CNTNAP2: variants seen among roughly 807,000 people sequenced by gnomAD.
CNTNAP2 encodes contactin-associated protein-like 2.
Under a neutral mutation model 155.2 loss-of-function variants are expected in CNTNAP2, and 98 were observed. The ratio of observed to expected loss-of-function variants is 0.63; its 90% CI spans 0.54 to 0.75. CNTNAP2 has a LOEUF of 0.75. Ranked by LOEUF, CNTNAP2 falls within the 30% of genes least tolerant of loss-of-function variation. CNTNAP2 has a pLI of 0.00. For missense variants in CNTNAP2, 1,727 were observed against 1,688.1 expected (o/e 1.02, Z -0.40); for synonymous variants, 651 against 631.2 (o/e 1.03, Z -0.47).
At chr7:146,721,179 ATATATATATTCTC>A (rs1309714982) in intron 1 of CNTNAP2, among the ~76,000 whole-genome samples, 3 of 131,960 alleles carry the variant, frequency 2.3e-5, no homozygotes, top group African/African-American at 8.4e-5. Flanking sequence ...TATATATTCC[ATATATATATTCTC>A]TATATATATT....
At chr7:146,877,794 C>T (rs1476396517) in intron 3 of CNTNAP2, among the ~76,000 whole-genome samples, 1 of 151,876 alleles carries the variant, frequency 6.6e-6, no homozygotes, top group East Asian at 1.9e-4. Context: ...ATGTCACCTT[C>T]CATGATAGTT....
rs1798740058 is a variant in CNTNAP2, at chr7:148,365,799, C to CATGTATACATGT, written c.3476-17846_3476-17845insATACATGTATGT. Among the ~76,000 whole-genome samples, 2 of 37,570 alleles carry CATGTATACATGT rather than the reference C, an allele frequency of 5.3e-5. 1 individual carries two copies. The highest frequency in any genetic ancestry group is 1.1e-4 in the Non-Finnish European group (2 of 18,260). 24.6% of individuals were successfully genotyped at this position (37,570 alleles called of 152,430 possible). A position where few individuals can be genotyped will look rare whatever the true frequency, so the allele number is the denominator to read the frequency against. On this transcript the variant is annotated intron_variant, in intron 21 of 23. Coordinates refer to ENST00000361727, the MANE Select transcript of CNTNAP2 (RefSeq NM_014141.6). ...ATGTATGTGTATGCATGTATACATGCATGTGTATGCATGTATACATGCATG... is the reference window on the plus strand; with the variant it reads ...ATGTATGTGTATGCATGTATACATGCATGTATACATGTATGTGTATGCATGTATACATGCATG...
intron 20 of CNTNAP2, among the ~76,000 whole-genome samples, chr7:148,247,906 A>C (rs1305657486): frequency 2.0e-5 from 3 of 151,862 alleles, no homozygotes; most frequent in Non-Finnish European, 4.4e-5. Flanking sequence ...TGCCCACCTC[A>C]GCCTCCCAAA....
At chr7:146,855,948 T>C (rs1372058612) in intron 3 of CNTNAP2, among the ~76,000 whole-genome samples, 2 of 150,582 alleles carry the variant, frequency 1.3e-5, no homozygotes, top group Admixed American at 1.3e-4. Context: ...AAGATAGACT[T>C]TAATTATTAA....
chr7:148,040,808 A>T (rs941659316), intron 15 of CNTNAP2, among the ~76,000 whole-genome samples: 1 of 151,964 alleles, frequency 6.6e-6, no homozygotes, highest in African/African-American at 2.4e-5. Context: ...CAGAAATGGG[A>T]ACAACTCTAG....
rs569235483 is a variant in CNTNAP2 at position 146,660,566 on chromosome 7, C to T, written c.98-113705C>T. Among the ~76,000 whole-genome samples, 175 of 152,216 alleles carry T rather than the reference C, an allele frequency of 1.1e-3. 1 individual carries two copies. Among genetic ancestry groups the T allele is most frequent in the African/African-American group, 4.1e-3 (169 of 41,538 alleles). On this transcript the variant is annotated intron_variant, in intron 1 of 23. Coordinates refer to ENST00000361727, the MANE Select transcript of CNTNAP2 (RefSeq NM_014141.6). The stretch of plus-strand genomic sequence containing the variant: ...TCAATAAATAGCAGATGTTTTAATT[C>T]CAATGTGCCTACTTCACACTGTTGT...
chr7:148,202,591 G>A (rs1184857061), intron 18 of CNTNAP2, among the ~76,000 whole-genome samples: 1 of 152,156 alleles, frequency 6.6e-6, no homozygotes, highest in East Asian at 1.9e-4. Context: ...GGGTGTGCTT[G>A]AAGCATCTAC....
intron 1 of CNTNAP2, among the ~76,000 whole-genome samples, chr7:146,340,056 C>T (rs1403840114): frequency 6.6e-6 from 1 of 151,072 alleles, no homozygotes; most frequent in Admixed American, 6.6e-5. Context: ...GTAATCCCAG[C>T]TACTCAGCAG....
At chr7:147,626,488 G>A (rs560657485) in intron 12 of CNTNAP2, among the ~76,000 whole-genome samples, 26 of 152,292 alleles carry the variant, frequency 1.7e-4, no homozygotes, top group African/African-American at 6.3e-4. Flanking sequence ...CCAAGGAGAG[G>A]CTGAGCTCAG....
intron 1 of CNTNAP2, among the ~76,000 whole-genome samples, chr7:146,267,449 A>G (rs1230940519): frequency 1.3e-5 from 2 of 152,188 alleles, no homozygotes; most frequent in Non-Finnish European, 2.9e-5. Flanking sequence ...TAAAAAATAA[A>G]TAGAAAATAC....
At chr7:146,659,406 T>C (rs1800048080) in intron 1 of CNTNAP2, among the ~76,000 whole-genome samples, 1 of 152,152 alleles carries the variant, frequency 6.6e-6, no homozygotes, top group African/African-American at 2.4e-5. Context: ...GGAGATGAAA[T>C]TTAGGTATTT....
chr7:146,594,438 A>ACACACC (rs1194252248), intron 1 of CNTNAP2, among the ~76,000 whole-genome samples: 1 of 151,490 alleles, frequency 6.6e-6, no homozygotes, highest in Non-Finnish European at 1.5e-5. Context: ...GTGTTTACAC[A>ACACACC]CACACACACA....
chr7:146,126,343 C>T (rs958826269), intron 1 of CNTNAP2, among the ~76,000 whole-genome samples: 2 of 152,062 alleles, frequency 1.3e-5, no homozygotes, highest in African/African-American at 4.8e-5. Flanking sequence ...GTTCTGGAGA[C>T]TTAAAAATTA....
chr7:146,599,743 GAGATAGATAGAT>G (rs60717424), intron 1 of CNTNAP2, among the ~76,000 whole-genome samples: 17 of 145,706 alleles, frequency 1.2e-4, no homozygotes, highest in South Asian at 4.6e-4. Flanking sequence ...ACGACAGACA[GAGATAGATAGAT>G]AGATAGATAG....
intron 15 of CNTNAP2, among the ~76,000 whole-genome samples, chr7:148,034,314 C>A (rs1012045372): frequency 3.9e-5 from 6 of 152,108 alleles, no homozygotes; most frequent in Admixed American, 3.3e-4. Context: ...ATTGTTCCCC[C>A]CAAAGTGCAT....
intron 13 of CNTNAP2, among the ~76,000 whole-genome samples, chr7:147,700,737 T>C (rs1414555845): frequency 6.6e-6 from 1 of 152,180 alleles, no homozygotes; most frequent in Admixed American, 6.5e-5. Context: ...GAAAAGCTGA[T>C]ATAAGAGTGG....
intron 1 of CNTNAP2, among the ~76,000 whole-genome samples, chr7:146,640,200 T>C (rs551733982): frequency 6.6e-6 from 1 of 152,374 alleles, no homozygotes; most frequent in African/African-American, 2.4e-5. Context: ...TTTATGGCCT[T>C]GTTTTATTAT....
chr7:148,032,435 G>T (rs1417854463), intron 15 of CNTNAP2, among the ~76,000 whole-genome samples: 2 of 152,162 alleles, frequency 1.3e-5, no homozygotes, highest in African/African-American at 2.4e-5. Context: ...GAGAGGGTAG[G>T]AGTCAGACCG....
chr7:148,006,946 A>AT (rs895033484), intron 15 of CNTNAP2, among the ~76,000 whole-genome samples: 16 of 152,186 alleles, frequency 1.1e-4, no homozygotes, highest in African/African-American at 3.9e-4. Flanking sequence ...TTCTTAGACT[A>AT]TTACATCTTT....
Sources: allele counts gnomAD v4.1 joint callset (sites outside exome capture counted in the v4.1 genomes callset), GRCh38; gene constraint gnomAD v4.1.1; transcripts MANE v1.5; gene names NCBI Gene and HGNC (gene_info 2026-07-23, HGNC 2026-07-21).